Variants in CEP295NL observed in about 807,000 individuals in gnomAD.
CEP295NL encodes the protein CEP295 N-terminal like, also known as protein DDC8 homolog.
In CEP295NL, 3 loss-of-function variants were observed where a neutral mutation model predicts 4.6. The ratio of observed to expected loss-of-function variants is 0.65; its 90% confidence interval spans 0.30 to 1.69. The LOEUF (loss-of-function observed/expected upper bound fraction) is 1.69, where lower values mean the gene tolerates loss of function less well. Ranked by LOEUF, CEP295NL falls within the 40% of genes most tolerant of loss-of-function variation. The pLI, the probability that CEP295NL is intolerant of heterozygous loss-of-function variation, is 0.10. For synonymous variants in CEP295NL, 295 were observed against 312.2 expected, an observed-to-expected ratio of 0.94 and a Z score of 0.58; for missense variants, 719 against 769.0, an observed-to-expected ratio of 0.93 and a Z score of 0.77.
intron 1 of CEP295NL, 87 bp from the exon 2 acceptor site, chr17:78,902,013 C>G (rs1466373889): frequency 1.8e-6 from 1 of 564,754 alleles, no homozygotes; most frequent in Admixed American, 3.2e-5. Context: ...TCTAAAAATA[C>G]CCTCCATGAC....
intron 2 of CEP295NL, chr17:78,899,109 G>A (rs2070048570): frequency 6.6e-6 from 1 of 152,252 alleles, no homozygotes; most frequent in African/African-American, 2.4e-5. Context: ...CATCTCTAAA[G>A]CGCTCCCAGG....
Position 78,891,972 on chromosome 17 carries a change from T to G in CEP295NL, c.532A>C (p.Arg178=). ...TGGCCCAACTCTTCCCTGCAACTCC[T>G]CTCTTCACTAAGGGCTGCTCTATGC... ...EKHRAALSEE[R]SCREELGQQH... The change falls in exon 3 of 3, where the codon AGG becomes CGG. Residue 178 remains arginine (R), a synonymous_variant. Coordinates refer to ENST00000322630, the MANE Select transcript of CEP295NL (RefSeq NM_001243540.2). The surrounding 1 kb of genome is among the most constrained non-coding windows in gnomAD (Gnocchi z 4.5). The G allele has an allele frequency of 6.4e-7, 1 of 1,550,602 alleles. No individual in the cohort carries two copies. The highest frequency in any genetic ancestry group is 8.7e-7 in the Non-Finnish European group (1 of 1,146,996).
intron 1 of CEP295NL, 56 bp from the exon 2 acceptor site, chr17:78,901,982 C>A (rs2070100147): frequency 1.7e-6 from 1 of 590,918 alleles, no homozygotes. Context: ...ATTTTTAACT[C>A]CGTTTCTCTG....
chr17:78,891,740 G>T lies in CEP295NL; in HGVS notation c.764C>A (p.Pro255Gln). The T allele has an allele frequency of 6.4e-7, 1 of 1,551,212 alleles. No individual in the cohort carries two copies. The highest frequency in any genetic ancestry group is 8.7e-7 in the Non-Finnish European group (1 of 1,147,136). The change falls in exon 3 of 3, where the codon CCA becomes CAA. Residue 255 changes from proline to glutamine, a missense_variant. Pro to Gln is a moderately conservative substitution (Grantham distance 76, BLOSUM62 -1). Coordinates refer to ENST00000322630, the MANE Select transcript of CEP295NL (RefSeq NM_001243540.2). This position sits in a 1 kb window ranked among gnomAD's most constrained non-coding sequence, Gnocchi z 4.5. ...SKGADLERSNPLVAAVGEIGL... is the reference protein window; with the variant it reads ...SKGADLERSNQLVAAVGEIGL... ...GATTTCTCCCACAGCAGCCACGAGT[G>T]GGTTTGACCTTTCTAGGTCCGCCCC... is the stretch of plus-strand genomic sequence containing the variant.
Position 78,891,771 on chromosome 17 carries a change from T to C in CEP295NL, c.733A>G (p.Ser245Gly). 3.2e-6 allele frequency: 5 copies of C among 1,551,160 alleles called. No individual in the cohort carries two copies. The highest frequency in any genetic ancestry group is 4.4e-6 in the Non-Finnish European group (5 of 1,147,126). ...GGRCAIHPRRSKGADLERSNP... is the reference protein window; with the variant it reads ...GGRCAIHPRRGKGADLERSNP... ...GACCTTTCTAGGTCCGCCCCTTTGC[T>C]CCTCCGAGGATGGATGGCACAGCGG... is the stretch of plus-strand genomic sequence containing the variant. The change falls in exon 3 of 3, where the codon AGC becomes GGC. Residue 245 changes from serine to glycine, a missense_variant. Coordinates refer to ENST00000322630, the MANE Select transcript of CEP295NL (RefSeq NM_001243540.2). The surrounding 1 kb of genome is among the most constrained non-coding windows in gnomAD (Gnocchi z 4.5).
chr17:78,891,254 G>T lies in CEP295NL; in HGVS notation c.1250C>A (p.Ala417Glu). 1.9e-6 allele frequency: 3 copies of T among 1,550,630 alleles called. No homozygotes were observed. The highest frequency in any genetic ancestry group is 1.7e-4 in the Middle Eastern group (1 of 5,992). The change falls in exon 3 of 3, where the codon GCA (alanine) becomes GAA (glutamate). Residue 417 changes from alanine (A) to glutamate (E), a missense_variant. Transcript: ENST00000322630. The surrounding 1 kb of genome is among the most constrained non-coding windows in gnomAD (Gnocchi z 4.5). ...RSPAEEEAQQ[A>E]ASKTDLKTFM... ...CGTTTTCAAGTCGGTCTTGGACGCTGCCTGCTGCGCCTCCTCCTCTGCTGG... is the reference window on the plus strand; with the variant it reads ...CGTTTTCAAGTCGGTCTTGGACGCTTCCTGCTGCGCCTCCTCCTCTGCTGG...
Position 78,901,858 on chromosome 17 carries a change from A to G in CEP295NL, c.-30T>C. ...GGGAGGCAGAAGCTGACAGGAGGGC[A>G]GGAAGCACTGTCTCCAGGGCTGTCT... On this transcript the variant is annotated 5_prime_UTR_variant, in exon 2 of 3. Transcript: ENST00000322630. The G allele has an allele frequency of 1.4e-6, 1 of 703,852 alleles. No homozygotes were observed. The allele number at this position is 703,852 out of a possible 1,614,324, so 43.6% of individuals were successfully genotyped here. A position where few individuals can be genotyped will look rare whatever the true frequency, so the allele number is the denominator to read the frequency against.
intron 2 of CEP295NL, 42 bp from the exon 3 acceptor site, chr17:78,892,501 C>A: frequency 6.6e-7 from 1 of 1,508,274 alleles, no homozygotes; most frequent in South Asian, 1.3e-5. Context: ...CAGATCGCTC[C>A]CAGGAGAGTG....
rs2070010426 is a variant in CEP295NL, at chr17:78,896,896, G to T, written c.45-4437C>A. The T allele has an allele frequency of 1.0e-6, 1 of 984,542 alleles. No homozygotes were observed. Among genetic ancestry groups the T allele is most frequent in the African/African-American group, 1.7e-5 (1 of 57,180 alleles). The allele number at this position is 984,542 out of a possible 1,614,324, so 61.0% of individuals were successfully genotyped here. ...CAGACCGATCCGATCCCAGCACCTG[G>T]GCCCAGGAATGTGCTTGGCCACCAG... is the stretch of plus-strand genomic sequence containing the variant. On this transcript the variant is annotated intron_variant, in intron 2 of 2. Coordinates refer to ENST00000322630, the MANE Select transcript of CEP295NL (RefSeq NM_001243540.2). The surrounding 1 kb of genome is among the most constrained non-coding windows in gnomAD (Gnocchi z 4.4).
At chr17:78,899,385 C>T (rs979874111) in intron 2 of CEP295NL, 5 of 152,432 alleles carry the variant, frequency 3.3e-5, no homozygotes, top group Non-Finnish European at 5.9e-5. Context: ...CCATGTGATT[C>T]CCTGCTGTCC....
rs1280463388 is a variant in CEP295NL, at chr17:78,896,405, T to C, written c.45-3946A>G. ...CTCTCCAGCCCTGCCAGACAGGACG[T>C]CGGGTGCCCTTGGCAGGACACTTGC... On this transcript the variant is annotated intron_variant, in intron 2 of 2. Coordinates refer to ENST00000322630, the MANE Select transcript of CEP295NL (RefSeq NM_001243540.2). The surrounding 1 kb of genome is among the most constrained non-coding windows in gnomAD (Gnocchi z 4.4). 6.6e-6 allele frequency among the ~76,000 whole-genome samples: 1 copy of C among 152,150 alleles called. No individual in the cohort carries two copies. Among genetic ancestry groups the C allele is most frequent in the African/African-American group, 2.4e-5 (1 of 41,430 alleles).
intron 2 of CEP295NL, among the ~76,000 whole-genome samples, chr17:78,895,944 C>T (rs567550383): frequency 1.1e-4 from 17 of 152,338 alleles, no homozygotes; most frequent in East Asian, 9.6e-4. Flanking sequence ...GCCCCCAGCC[C>T]GTTCAATGAC....
At position 78,891,140 on chromosome 17, in the gene CEP295NL, C is replaced by A; in HGVS notation, c.1364G>T (p.Gly455Val). The A allele has an allele frequency of 2.6e-6, 4 of 1,550,656 alleles. No individual in the cohort carries two copies. The South Asian group carries it at 3.6e-5, about 14-fold the overall frequency. ...NGSQTLSPEA[G>V]IFINKEDSLL... Reference sequence around the variant, plus strand: ...TGAGTCCTCTTTGTTGATAAATATACCTGCCTCGGGAGACAATGTTTGACT... The same window carrying A: ...TGAGTCCTCTTTGTTGATAAATATAACTGCCTCGGGAGACAATGTTTGACT... Residue 455 changes from glycine to valine, a missense_variant, in exon 3 of 3, where the codon GGT becomes GTT. By Grantham distance (109) the Gly-to-Val change is moderately radical. Transcript: ENST00000322630. The surrounding 1 kb of genome is among the most constrained non-coding windows in gnomAD (Gnocchi z 4.5).
chr17:78,892,813 A>G (rs1489308787), intron 2 of CEP295NL, among the ~76,000 whole-genome samples: 3 of 152,180 alleles, frequency 2.0e-5, no homozygotes, highest in Non-Finnish European at 4.4e-5. Context: ...CACACTGCAC[A>G]GGAGGGCTGC....
Position 78,892,139 on chromosome 17 carries a change from T to C in CEP295NL, c.365A>G (p.Gln122Arg). ...GTCCAGGCCACCGACGTGCAGGTGC[T>C]GTGCCTCCTGATACCCTCTCCTCAA... Reference protein sequence around the residue: ...EELRRGYQEAQHLHVGGLDRL... With the variant: ...EELRRGYQEARHLHVGGLDRL... The change falls in exon 3 of 3, where the codon CAG becomes CGG. Residue 122 changes from glutamine (Q) to arginine (R), a missense_variant. Physicochemically the swap from Gln to Arg is conservative, Grantham distance 43. Coordinates refer to ENST00000322630, the MANE Select transcript of CEP295NL (RefSeq NM_001243540.2). 1 of 1,550,920 alleles carries C rather than the reference T, an allele frequency of 6.4e-7. No homozygotes were observed. Among genetic ancestry groups the C allele is most frequent in the Non-Finnish European group, 8.7e-7 (1 of 1,147,118 alleles).
rs1210021025 is a variant in CEP295NL, at chr17:78,891,726, C to A, written c.778G>T (p.Val260Leu). The change falls in exon 3 of 3, where the codon GTG becomes TTG. Residue 260 changes from valine to leucine, a missense_variant. Val to Leu is a conservative substitution (Grantham distance 32, BLOSUM62 1). Transcript: ENST00000322630. The surrounding 1 kb of genome is among the most constrained non-coding windows in gnomAD (Gnocchi z 4.5). ...TCCTCCACAAGCCCGATTTCTCCCA[C>A]AGCAGCCACGAGTGGGTTTGACCTT... ...LERSNPLVAA[V>L]GEIGLVEEKE... is the part of the protein sequence containing the mutation. 1 of 1,551,114 alleles carries A rather than the reference C, an allele frequency of 6.4e-7. No homozygotes were observed. The highest frequency in any genetic ancestry group is 2.4e-5 in the East Asian group (1 of 40,932).
chr17:78,892,143 C>A lies in CEP295NL; in HGVS notation c.361G>T (p.Ala121Ser), dbSNP rs569461203. 1 of 1,550,822 alleles carries A rather than the reference C, an allele frequency of 6.4e-7. No homozygotes were observed. The highest frequency in any genetic ancestry group is 8.7e-7 in the Non-Finnish European group (1 of 1,147,076). ...AGGCCACCGACGTGCAGGTGCTGTGCCTCCTGATACCCTCTCCTCAACTCC... is the reference window on the plus strand; with the variant it reads ...AGGCCACCGACGTGCAGGTGCTGTGACTCCTGATACCCTCTCCTCAACTCC... Reference protein sequence around the residue: ...AEELRRGYQEAQHLHVGGLDR... With the variant: ...AEELRRGYQESQHLHVGGLDR... Residue 121 changes from alanine to serine, a missense_variant, in exon 3 of 3, where the codon GCA becomes TCA. Transcript: ENST00000322630.
At position 78,891,797 on chromosome 17, in the gene CEP295NL, C is replaced by T. The variant is rs2069900320; in HGVS notation, c.707G>A (p.Gly236Asp). 1 of 1,550,956 alleles carries T rather than the reference C, an allele frequency of 6.4e-7. No homozygotes were observed. Among genetic ancestry groups the T allele is most frequent in the Non-Finnish European group, 8.7e-7 (1 of 1,147,098 alleles). The change falls in exon 3 of 3, where the codon GGC becomes GAC. Residue 236 changes from glycine to aspartate, a missense_variant. Physicochemically the swap from Gly to Asp is moderately conservative, Grantham distance 94. Transcript: ENST00000322630. This position sits in a 1 kb window ranked among gnomAD's most constrained non-coding sequence, Gnocchi z 4.5. ...CCTCCGAGGATGGATGGCACAGCGGCCACCCCCAGACTTGGTCGAAGGTTC... is the reference window on the plus strand; with the variant it reads ...CCTCCGAGGATGGATGGCACAGCGGTCACCCCCAGACTTGGTCGAAGGTTC... ...RPEPSTKSGG[G>D]RCAIHPRRSK...
chr17:78,895,037 C>T (rs1311074382), intron 2 of CEP295NL, among the ~76,000 whole-genome samples: 1 of 152,086 alleles, frequency 6.6e-6, no homozygotes, highest in African/African-American at 2.4e-5. Context: ...TCCCAGCACA[C>T]TGGGAGGCTG....
Sources: allele counts gnomAD v4.1 joint callset (sites outside exome capture counted in the v4.1 genomes callset), GRCh38; gene constraint gnomAD v4.1.1; non-coding constraint Gnocchi (gnomAD v3.1); transcripts MANE v1.5; gene names NCBI Gene and HGNC (gene_info 2026-07-23, HGNC 2026-07-21).